The following PBX3 variants were observed in gnomAD, a reference collection of about 807,000 sequenced individuals.
The protein encoded by PBX3 is pre-B-cell leukemia transcription factor 3.
PBX3 carries 14 observed loss-of-function variants against 48.5 expected under a neutral mutation model. The ratio of observed to expected loss-of-function variants is 0.29; its 90% confidence interval spans 0.19 to 0.45. The LOEUF (loss-of-function observed/expected upper bound fraction) is 0.45, where lower values mean the gene tolerates loss of function less well. Ranked by LOEUF, PBX3 falls within the 20% of genes least tolerant of loss-of-function variation. PBX3 has a pLI of 1.00. For missense variants in PBX3, 386 were observed against 546.7 expected, an observed-to-expected ratio of 0.71 and a Z score of 2.93; for synonymous variants, 210 against 200.3, an observed-to-expected ratio of 1.05 and a Z score of -0.41.
At chr9:125,803,037 AAT>A (rs1045301224) in intron 2 of PBX3, among the ~76,000 whole-genome samples, 6 of 151,486 alleles carry the variant, frequency 4.0e-5, no homozygotes, top group African/African-American at 1.5e-4. Context: ...CAATTATTAA[AAT>A]CAGGAATTTA....
intron 2 of PBX3, among the ~76,000 whole-genome samples, chr9:125,804,155 A>T (rs529525737): frequency 6.6e-6 from 1 of 152,246 alleles, no homozygotes; most frequent in African/African-American, 2.4e-5. Flanking sequence ...AAGACTAAAT[A>T]GGTTATAGAC....
At chr9:125,934,800 G>A (rs1455530438) in intron 4 of PBX3, among the ~76,000 whole-genome samples, 1 of 151,926 alleles carries the variant, frequency 6.6e-6, no homozygotes, top group East Asian at 1.9e-4. Context: ...TAGATCTTGA[G>A]TCTTGTTTTC....
chr9:125,763,767 T>C (rs1400289327), intron 2 of PBX3, among the ~76,000 whole-genome samples: 2 of 152,198 alleles, frequency 1.3e-5, no homozygotes, highest in Non-Finnish European at 2.9e-5. Flanking sequence ...TTACTCCACT[T>C]TGATGGGGAT....
At chr9:125,912,455 G>A (rs1841225453) in intron 2 of PBX3, among the ~76,000 whole-genome samples, 1 of 152,076 alleles carries the variant, frequency 6.6e-6, no homozygotes, top group Non-Finnish European at 1.5e-5. Flanking sequence ...CATTATCTGT[G>A]GGGCAGGTGC....
At chr9:125,864,076 G>C (rs1206515820) in intron 2 of PBX3, among the ~76,000 whole-genome samples, 10 of 152,186 alleles carry the variant, frequency 6.6e-5, no homozygotes, top group Non-Finnish European at 1.5e-4. Flanking sequence ...GGGTCAGAGT[G>C]AACTTGAGAA....
At chr9:125,827,698 C>G (rs546899890) in intron 2 of PBX3, among the ~76,000 whole-genome samples, 1 of 151,998 alleles carries the variant, frequency 6.6e-6, no homozygotes, top group African/African-American at 2.4e-5. Context: ...AGTATTCTAC[C>G]GTGCAGATGA....
chr9:125,872,970 C>T (rs1390237581), intron 2 of PBX3, among the ~76,000 whole-genome samples: 2 of 151,370 alleles, frequency 1.3e-5, no homozygotes, highest in Non-Finnish European at 2.9e-5. Context: ...GAGACCGAGG[C>T]GGGTGGATCA....
chr9:125,965,792 T>A, intron 8 of PBX3, 39 bp from the exon 9 acceptor site: 1 of 1,448,042 alleles, frequency 6.9e-7, no homozygotes, highest in Non-Finnish European at 9.7e-7. Context: ...AGAATTAATA[T>A]GTAGACGTGC....
At chr9:125,912,874 C>T (rs1283124141) in intron 2 of PBX3, among the ~76,000 whole-genome samples, 1 of 151,896 alleles carries the variant, frequency 6.6e-6, no homozygotes, top group Non-Finnish European at 1.5e-5. Context: ...TATAGGTGCC[C>T]AGAGGAGTAG....
At chr9:125,920,060 T>A (rs975852107) in intron 3 of PBX3, among the ~76,000 whole-genome samples, 2 of 152,214 alleles carry the variant, frequency 1.3e-5, no homozygotes, top group African/African-American at 4.8e-5. Flanking sequence ...AGGCATGGGA[T>A]GTATATTAGG....
chr9:125,773,742 A>G (rs532519691), intron 2 of PBX3, among the ~76,000 whole-genome samples: 1 of 152,320 alleles, frequency 6.6e-6, no homozygotes, highest in Admixed American at 6.5e-5. Flanking sequence ...TTCGTTATCA[A>G]CTTTGCTAGA....
Position 125,852,161 on chromosome 9 carries a change from A to G in PBX3, c.275-63525A>G, listed in dbSNP as rs748028965. Among the ~76,000 whole-genome samples, 40 of 152,268 alleles carry G rather than the reference A, an allele frequency of 2.6e-4. 1 individual carries two copies. Among genetic ancestry groups the G allele is most frequent in the Admixed American group, 1.0e-3 (16 of 15,284 alleles). The stretch of plus-strand genomic sequence containing the variant: ...GGATGGTATTTGGAGGGCTGCTGCC[A>G]TATGTTACTTTCCTTTTTAGCTGGG... On this transcript the variant is annotated intron_variant, in intron 2 of 8. Transcript: ENST00000373489.
chr9:125,859,867 G>C (rs1454233383), intron 2 of PBX3, among the ~76,000 whole-genome samples: 2 of 152,292 alleles, frequency 1.3e-5, no homozygotes, highest in East Asian at 3.9e-4. Flanking sequence ...AGTAAAGATA[G>C]GGTTGGTGAG....
At chr9:125,921,892 T>G (rs981294068) in intron 3 of PBX3, among the ~76,000 whole-genome samples, 1 of 152,208 alleles carries the variant, frequency 6.6e-6, no homozygotes, top group Admixed American at 6.5e-5. Context: ...AATATTATGA[T>G]CTGTTTACAG....
intron 2 of PBX3, among the ~76,000 whole-genome samples, chr9:125,834,621 C>T (rs1839066631): frequency 6.6e-6 from 1 of 151,484 alleles, no homozygotes; most frequent in Non-Finnish European, 1.5e-5. Flanking sequence ...CGGTCTTGAA[C>T]TCCTGACCTC....
chr9:125,752,892 ACATGATTC>A (rs1174686300), intron 2 of PBX3, among the ~76,000 whole-genome samples: 1 of 152,186 alleles, frequency 6.6e-6, no homozygotes, highest in Non-Finnish European at 1.5e-5. Context: ...ACTGTTCCAT[ACATGATTC>A]CTTTTTGTGT....
chr9:125,825,744 G>A (rs1156807108), intron 2 of PBX3, among the ~76,000 whole-genome samples: 1 of 152,174 alleles, frequency 6.6e-6, no homozygotes, highest in African/African-American at 2.4e-5. Flanking sequence ...CACTGATTTA[G>A]AAAGTATCCT....
At chr9:125,856,838 A>G (rs574163996) in intron 2 of PBX3, among the ~76,000 whole-genome samples, 11 of 152,316 alleles carry the variant, frequency 7.2e-5, no homozygotes, top group Admixed American at 4.6e-4. Flanking sequence ...CTTTGAATAT[A>G]CTTCTGTAAT....
intron 2 of PBX3, among the ~76,000 whole-genome samples, chr9:125,758,320 T>C (rs1451993656): frequency 1.3e-5 from 2 of 152,108 alleles, no homozygotes; most frequent in Non-Finnish European, 2.9e-5. Flanking sequence ...CTGATTATCA[T>C]TGTGGCTGCT....
Sources: allele counts gnomAD v4.1 joint callset (sites outside exome capture counted in the v4.1 genomes callset), GRCh38; gene constraint gnomAD v4.1.1; transcripts MANE v1.5; gene names NCBI Gene and HGNC (gene_info 2026-07-23, HGNC 2026-07-21).